The following KCNU1 variants were observed in gnomAD, a reference collection of about 807,000 sequenced individuals.
KCNU1 encodes potassium calcium-activated channel subfamily U member 1, also known as potassium channel subfamily U member 1.
In KCNU1, 93 loss-of-function variants were observed where a neutral mutation model predicts 126.8. That is an observed-to-expected ratio of 0.73 (90% CI 0.62 to 0.87). The LOEUF (loss-of-function observed/expected upper bound fraction) is 0.87. KCNU1 is among the 40% of genes least tolerant of loss of function. The probability of loss-of-function intolerance (pLI) is 0.00; values close to 1 mark genes in which losing one functional copy is unlikely to be tolerated. For synonymous variants in KCNU1, 523 were observed against 494.2 expected, an observed-to-expected ratio of 1.06 and a Z score of -0.77; for missense variants, 1,330 against 1,367.1, an observed-to-expected ratio of 0.97 and a Z score of 0.43.
Position 36,807,470 on chromosome 8 carries a change from G to C in KCNU1, c.656+20G>C. The C allele has an allele frequency of 6.5e-7, 1 of 1,547,408 alleles. No homozygotes were observed. The highest frequency in any genetic ancestry group is 8.9e-7 in the Non-Finnish European group (1 of 1,119,530). ...GACCAGGTAAATAGCCCTGACCGAA[G>C]TACTGCTTACTTATTAGTTTGGATT... On this transcript the variant is annotated intron_variant, in intron 6 of 26. Coordinates refer to ENST00000399881, the MANE Select transcript of KCNU1 (RefSeq NM_001031836.3).
chr8:36,843,434 T>C (rs989874520), intron 16 of KCNU1, among the ~76,000 whole-genome samples: 18 of 152,222 alleles, frequency 1.2e-4, no homozygotes, highest in African/African-American at 3.1e-4. Context: ...CTGTTACATA[T>C]GTTAACTCTT....
At chr8:36,898,448 TG>T (rs1321463545) in intron 19 of KCNU1, among the ~76,000 whole-genome samples, 1 of 151,964 alleles carries the variant, frequency 6.6e-6, no homozygotes, top group African/African-American at 2.4e-5. Flanking sequence ...ATTTATGTCA[TG>T]TTGAACCCTG....
At chr8:36,922,405 G>T in intron 23 of KCNU1, 85 bp from the exon 24 acceptor site, 1 of 1,378,074 alleles carries the variant, frequency 7.3e-7, no homozygotes, top group Non-Finnish European at 9.9e-7. Context: ...TTGATCAAGT[G>T]GTCGCCCCTT....
chr8:36,889,098 C>T (rs1382238578), intron 19 of KCNU1: 10 of 529,838 alleles, frequency 1.9e-5, no homozygotes, highest in African/African-American at 5.8e-5. Context: ...AGGCTGATCT[C>T]GAACTCCTGA....
chr8:36,842,831 G>A (rs1805006623), intron 16 of KCNU1, among the ~76,000 whole-genome samples: 1 of 152,004 alleles, frequency 6.6e-6, no homozygotes, highest in Admixed American at 6.6e-5. Context: ...CACCACACCC[G>A]GTTAATTTTT....
intron 12 of KCNU1, among the ~76,000 whole-genome samples, chr8:36,835,108 A>C (rs1265855820): frequency 2.0e-5 from 3 of 152,174 alleles, no homozygotes; most frequent in Admixed American, 2.0e-4. Context: ...CTGAAGTTTC[A>C]TATCTATAGT....
chr8:36,833,355 C>T (rs1463275310), intron 10 of KCNU1, among the ~76,000 whole-genome samples, 199 bp from the exon 11 acceptor site: 1 of 152,092 alleles, frequency 6.6e-6, no homozygotes, highest in Non-Finnish European at 1.5e-5. Flanking sequence ...GTTTCAGTAA[C>T]TCAGTTTTTT....
intron 19 of KCNU1, among the ~76,000 whole-genome samples, chr8:36,887,573 G>C (rs555927795): frequency 6.6e-6 from 1 of 151,354 alleles, no homozygotes; most frequent in Non-Finnish European, 1.5e-5. Flanking sequence ...AAACCGGCCA[G>C]AACCAATCCA....
intron 10 of KCNU1, among the ~76,000 whole-genome samples, chr8:36,832,075 A>T (rs1804572343): frequency 6.6e-6 from 1 of 152,166 alleles, no homozygotes; most frequent in South Asian, 2.1e-4. Context: ...AGTTGCAGAT[A>T]TGCAGCGTTA....
At chr8:36,806,225 C>A (rs1476739547) in intron 4 of KCNU1, 44 bp from the exon 5 acceptor site, 2 of 1,298,954 alleles carry the variant, frequency 1.5e-6, no homozygotes, top group Admixed American at 2.0e-5. Context: ...ACTTAAAATT[C>A]TTGAGGGTAA....
At chr8:36,926,350 T>C (rs1808532279) in intron 24 of KCNU1, among the ~76,000 whole-genome samples, 1 of 152,128 alleles carries the variant, frequency 6.6e-6, no homozygotes, top group African/African-American at 2.4e-5. Context: ...TTTTCAAGTT[T>C]ATTTTAGAGG....
At chr8:36,929,352 C>G (rs1294410316) in intron 24 of KCNU1, among the ~76,000 whole-genome samples, 1 of 140,778 alleles carries the variant, frequency 7.1e-6, no homozygotes, top group Non-Finnish European at 1.5e-5. Context: ...CCACTGCACT[C>G]TAGCCTAGAC....
chr8:36,871,273 G>T (rs1415521134), intron 19 of KCNU1, among the ~76,000 whole-genome samples: 1 of 152,016 alleles, frequency 6.6e-6, no homozygotes, highest in Non-Finnish European at 1.5e-5. Context: ...ATTTTGAAAA[G>T]ATGACTAGAT....
chr8:36,787,750 T>A (rs1333045027), intron 2 of KCNU1, among the ~76,000 whole-genome samples: 1 of 147,902 alleles, frequency 6.8e-6, no homozygotes, highest in Non-Finnish European at 1.5e-5. Context: ...CGTAATAATA[T>A]GTAATTGTAT....
chr8:36,848,399 C>A (rs933437288), intron 18 of KCNU1, among the ~76,000 whole-genome samples: 7 of 152,126 alleles, frequency 4.6e-5, no homozygotes, highest in African/African-American at 1.2e-4. Flanking sequence ...TTTCTTCTAG[C>A]AGTTTTGTAG....
chr8:36,858,312 C>T (rs1805608234), intron 18 of KCNU1, among the ~76,000 whole-genome samples: 1 of 149,680 alleles, frequency 6.7e-6, no homozygotes, highest in Non-Finnish European at 1.5e-5. Flanking sequence ...TTTAAAATGT[C>T]TTCAAGACTT....
At position 36,911,003 on chromosome 8, in the gene KCNU1, C is replaced by A; in HGVS notation, c.2405C>A (p.Pro802His). The change falls in exon 22 of 27, where the codon CCC becomes CAC. Residue 802 changes from proline (P) to histidine (H), a missense_variant. Pro to His is a moderately conservative substitution (Grantham distance 77). Around this residue, in one of 3 missense-constraint regions of KCNU1, gnomAD observed 1,054 missense variants for 1,053.9 expected, o/e 1.00. Coordinates refer to ENST00000399881, the MANE Select transcript of KCNU1 (RefSeq NM_001031836.3). Reference sequence around the variant, plus strand: ...TGCTCCATGTGTGCTGTCTTGTCCCCCCCACCCCAGCCATCAAGCAACCAG... The same window carrying A: ...TGCTCCATGTGTGCTGTCTTGTCCCACCCACCCCAGCCATCAAGCAACCAG... ...EQCSMCAVLS[P>H]PPQPSSNQTL... 1 of 1,613,548 alleles carries A rather than the reference C, an allele frequency of 6.2e-7. No individual in the cohort carries two copies. Among genetic ancestry groups the A allele is most frequent in the Non-Finnish European group, 8.5e-7 (1 of 1,179,686 alleles).
At chr8:36,891,397 A>G (rs576621463) in intron 19 of KCNU1, among the ~76,000 whole-genome samples, 20 of 152,182 alleles carry the variant, frequency 1.3e-4, no homozygotes, top group African/African-American at 4.3e-4. Flanking sequence ...ACACAATCCT[A>G]TAACTGCTTT....
At chr8:36,930,301 A>G (rs1247988162) in intron 24 of KCNU1, among the ~76,000 whole-genome samples, 3 of 152,132 alleles carry the variant, frequency 2.0e-5, no homozygotes, top group Admixed American at 2.0e-4. Flanking sequence ...ACTCAAGCTC[A>G]TTTCAAAATA....
Sources: gnomAD v4.1 joint callset for allele counts (sites outside exome capture counted in the v4.1 genomes callset) on GRCh38, gnomAD v4.1.1 for gene constraint, gnomAD v4.1.1 regional missense constraint, MANE v1.5 for transcripts, NCBI Gene and HGNC (gene_info 2026-07-23, HGNC 2026-07-21) for gene names.